AGAP5: variants seen among roughly 807,000 people sequenced by gnomAD.
AGAP5 encodes ArfGAP with GTPase domain, ankyrin repeat and PH domain 5.
AGAP5 carries 8 observed loss-of-function variants against 27.7 expected under a neutral mutation model. The ratio of observed to expected loss-of-function variants is 0.29; its 90% confidence interval spans 0.17 to 0.52. The LOEUF is 0.52. AGAP5 is among the 20% of genes least tolerant of loss of function. The pLI, the probability that AGAP5 is intolerant of heterozygous loss-of-function variation, is 0.97. For synonymous variants in AGAP5, 111 were observed against 338.0 expected (o/e 0.33, Z 7.37); for missense variants, 285 against 880.8 (o/e 0.32, Z 8.56).
intron 6 of AGAP5, 70 bp from the exon 7 acceptor site, chr10:73,676,840 A>G: frequency 1.2e-6 from 1 of 861,262 alleles, no homozygotes; most frequent in Non-Finnish European, 1.9e-6. Flanking sequence ...TGAGTAAAAT[A>G]CTTCCTCCTG....
At chr10:73,690,605 T>TAAAAAAA (rs1565008251) in intron 4 of AGAP5, among the ~76,000 whole-genome samples, 4 of 80,538 alleles carry the variant, frequency 5.0e-5, no homozygotes, top group Admixed American at 1.3e-4. Flanking sequence ...GAATGATCAA[T>TAAAAAAA]TAAAAAAAAA....
chr10:73,686,256 C>T (rs920088459), intron 4 of AGAP5, among the ~76,000 whole-genome samples: 32 of 152,108 alleles, frequency 2.1e-4, no homozygotes, highest in Non-Finnish European at 5.9e-5. Context: ...AACTCAAATA[C>T]CTATAGCCAA....
chr10:73,695,254 C>T (rs1311768996), intron 2 of AGAP5, among the ~76,000 whole-genome samples: 2 of 152,092 alleles, frequency 1.3e-5, no homozygotes, highest in African/African-American at 2.4e-5. Flanking sequence ...ATATCTGTCA[C>T]TTCCATTTCA....
chr10:73,676,928 ACTT>A (rs1353805318), intron 6 of AGAP5, among the ~76,000 whole-genome samples, 158 bp from the exon 7 acceptor site: 5 of 151,984 alleles, frequency 3.3e-5, no homozygotes, highest in East Asian at 3.9e-4. Flanking sequence ...GGGTTTCCTG[ACTT>A]CTTCTTTCTC....
At position 73,674,860 on chromosome 10, in the gene AGAP5, C is replaced by G; in HGVS notation, c.1800G>C (p.Leu600=). 1 of 1,611,912 alleles carries G rather than the reference C, an allele frequency of 6.2e-7. No homozygotes were observed. The highest frequency in any genetic ancestry group is 8.5e-7 in the Non-Finnish European group (1 of 1,179,856). Reference sequence around the variant, plus strand: ...GTGCCAGCAGCAGGATGGCTGTCTGCAGGTCCTCATCAGCGGTGGCCCGCA... The same window carrying G: ...GTGCCAGCAGCAGGATGGCTGTCTGGAGGTCCTCATCAGCGGTGGCCCGCA... ...HLLRATADED[L]QTAILLLAHG... is the part of the protein sequence containing the mutation. The change falls in exon 8 of 8, where the codon CTG becomes CTC. Residue 600 remains leucine, a synonymous_variant. Transcript: ENST00000374094.
chr10:73,695,006 G>GA (rs2082149386), intron 2 of AGAP5, among the ~76,000 whole-genome samples: 1 of 151,698 alleles, frequency 6.6e-6, no homozygotes, highest in Non-Finnish European at 1.5e-5. Context: ...GCTGAGATGG[G>GA]AAAATCACTT....
At chr10:73,680,683 G>A (rs1229660846) in intron 5 of AGAP5, among the ~76,000 whole-genome samples, 4 of 146,008 alleles carry the variant, frequency 2.7e-5, no homozygotes, top group East Asian at 2.1e-4. Context: ...TGCCTCCCGG[G>A]TTCAAGAGAT....
At chr10:73,690,350 G>A (rs943456801) in intron 4 of AGAP5, among the ~76,000 whole-genome samples, 3 of 152,182 alleles carry the variant, frequency 2.0e-5, no homozygotes, top group East Asian at 1.9e-4. Flanking sequence ...TATCCACTCA[G>A]GGTTGAATGG....
chr10:73,689,378 G>T (rs989254638), intron 4 of AGAP5, among the ~76,000 whole-genome samples: 47 of 152,324 alleles, frequency 3.1e-4, no homozygotes, highest in Admixed American at 1.0e-3. Context: ...CTCCCAAAGT[G>T]CTGAGATTGC....
At chr10:73,695,559 G>C (rs1259166866) in intron 2 of AGAP5, among the ~76,000 whole-genome samples, 1 of 152,176 alleles carries the variant, frequency 6.6e-6, no homozygotes, top group Non-Finnish European at 1.5e-5. Flanking sequence ...GTACTTATGT[G>C]CTTTGTGTAT....
rs774177181 is a variant in AGAP5, at chr10:73,697,624, G to A, written c.132C>T (p.Pro44=). 2.4e-5 allele frequency: 39 copies of A among 1,607,932 alleles called. No individual in the cohort carries two copies. The highest frequency in any genetic ancestry group is 3.2e-5 in the Non-Finnish European group (38 of 1,179,862). ...CAGCAGGCTGCACAGCAGCAGCCATGGGCGCTCCTGCCATCCTGTCCCCAG... is the reference window on the plus strand; with the variant it reads ...CAGCAGGCTGCACAGCAGCAGCCATAGGCGCTCCTGCCATCCTGTCCCCAG... ...AGAGDRMAGA[P]MAAAVQPAEV... is the part of the protein sequence containing the mutation. Residue 44 remains proline, a synonymous_variant, in exon 1 of 8, where the codon CCC becomes CCT. Transcript: ENST00000374094.
chr10:73,695,075 T>C (rs1333907300), intron 2 of AGAP5, among the ~76,000 whole-genome samples: 1 of 139,006 alleles, frequency 7.2e-6, no homozygotes, highest in Non-Finnish European at 1.6e-5. Flanking sequence ...CTCCTTTATT[T>C]AAAAAAAAAA....
rs770938505 is a variant in AGAP5, at chr10:73,675,871, G to A, written c.789C>T (p.Asp263=). 17 of 1,613,830 alleles carry A rather than the reference G, an allele frequency of 1.1e-5. No individual in the cohort carries two copies. In the South Asian group the frequency reaches 1.5e-4, roughly 15 times the overall value. ...GATTCTCCGGGGCTTTCCTCTCTTT[G>A]TCTGGGTGACTCCCTTTCTCAGATG... The part of the protein sequence containing the change: ...LFTSEKGSHP[D]KERKAPENHA... Residue 263 remains aspartate (D), a synonymous_variant, in exon 8 of 8, where the codon GAC becomes GAT. Transcript: ENST00000374094.
At position 73,697,150 on chromosome 10, in the gene AGAP5, G is replaced by A. The variant is rs767648789; in HGVS notation, c.237C>T (p.Ser79=). The A allele has an allele frequency of 2.5e-4, 403 of 1,598,178 alleles. No individual in the cohort carries two copies. The highest frequency in any genetic ancestry group is 3.2e-4 in the Non-Finnish European group (382 of 1,179,740). The change falls in exon 2 of 8, where the codon AGC becomes AGT. Residue 79 remains serine (S), a synonymous_variant. Coordinates refer to ENST00000374094, the MANE Select transcript of AGAP5 (RefSeq NM_001144000.4). ...DQEMPEALEF[S]LSANPEASTI... ...TGCTTGCCTCTGGATTGGCAGAAAG[G>A]CTAAACTCCAAAGCTATATGTATAG... is the stretch of plus-strand genomic sequence containing the variant.
chr10:73,687,386 T>C (rs1334356395), intron 4 of AGAP5, among the ~76,000 whole-genome samples: 2 of 152,238 alleles, frequency 1.3e-5, no homozygotes, highest in Non-Finnish European at 2.9e-5. Context: ...CCTGAGTAGG[T>C]AATATGAAAG....
At chr10:73,694,649 A>G (rs2082146115) in intron 3 of AGAP5, 87 bp downstream of exon 3, 2 of 1,591,328 alleles carry the variant, frequency 1.3e-6, no homozygotes, top group Non-Finnish European at 8.5e-7. Flanking sequence ...ATTTAAACCA[A>G]TATGAGTTTT....
intron 4 of AGAP5, among the ~76,000 whole-genome samples, chr10:73,685,859 T>G (rs2082059319): frequency 6.6e-6 from 1 of 152,138 alleles, no homozygotes. Flanking sequence ...CCAGATTATC[T>G]TTTTGATATG....
intron 4 of AGAP5, among the ~76,000 whole-genome samples, chr10:73,689,957 G>A (rs993575102): frequency 2.6e-5 from 4 of 151,800 alleles, no homozygotes; most frequent in South Asian, 2.1e-4. Context: ...CCCTCTGCCC[G>A]GCCAGCCGCC....
intron 3 of AGAP5, among the ~76,000 whole-genome samples, chr10:73,692,728 T>C (rs529690053): frequency 1.9e-4 from 28 of 147,312 alleles, no homozygotes; most frequent in Admixed American, 4.8e-4. Context: ...CTGCAACCTC[T>C]GCCTCCTAGG....
Sources: allele counts gnomAD v4.1 joint callset (sites outside exome capture counted in the v4.1 genomes callset), GRCh38; gene constraint gnomAD v4.1.1; transcripts MANE v1.5; gene names NCBI Gene and HGNC (gene_info 2026-07-23, HGNC 2026-07-21).